Variants in NOD2 observed in about 807,000 individuals in gnomAD.
NOD2 encodes the protein nucleotide binding oligomerization domain containing 2.
Under a neutral mutation model 90.9 loss-of-function variants are expected in NOD2, and 86 were observed. That is an observed-to-expected ratio of 0.95 (90% confidence interval 0.79 to 1.13). The LOEUF (loss-of-function observed/expected upper bound fraction) is 1.13, where lower values mean the gene tolerates loss of function less well. Among genes scored for constraint, NOD2 ranks in the 50% most tolerant of loss-of-function variants. NOD2 has a pLI of 0.00. For missense variants in NOD2, 1,238 were observed against 1,283.8 expected (o/e 0.96, Z 0.55); for synonymous variants, 581 against 554.6 (o/e 1.05, Z -0.67).
chr16:50,703,683 CAAAAAAAA>C (rs1043742883), intron 2 of NOD2, among the ~76,000 whole-genome samples: 6 of 56,444 alleles, frequency 1.1e-4, no homozygotes, highest in Admixed American at 2.0e-4. Flanking sequence ...GACTCTGTCT[CAAAAAAAA>C]AAAAAAAAAA....
At chr16:50,729,969 A>G (rs1236480406) in intron 11 of NOD2, 68 bp downstream of exon 11, 6 of 1,191,066 alleles carry the variant, frequency 5.0e-6, no homozygotes, top group Non-Finnish European at 7.5e-6. Context: ...AAATGGGGTG[A>G]CGGGAGAGAG....
chr16:50,718,297 A>G (rs1019425662), intron 6 of NOD2, among the ~76,000 whole-genome samples: 1 of 152,164 alleles, frequency 6.6e-6, no homozygotes, highest in Non-Finnish European at 1.5e-5. Flanking sequence ...TTTGAGCAAC[A>G]ATGAGGTCGG....
chr16:50,714,965 G>C (rs1399398151), intron 4 of NOD2, among the ~76,000 whole-genome samples: 1 of 152,192 alleles, frequency 6.6e-6, no homozygotes, highest in East Asian at 1.9e-4. Flanking sequence ...TATGAACTCT[G>C]AGACACTCTG....
intron 2 of NOD2, 39 bp downstream of exon 2, chr16:50,699,993 A>G (rs372294830): frequency 5.7e-6 from 9 of 1,567,920 alleles, no homozygotes; most frequent in South Asian, 3.3e-5. Flanking sequence ...GTTCTCAGGA[A>G]AGGGGTGCTT....
rs761704372 is a variant in NOD2, at chr16:50,699,971, G to A, written c.459+17G>A. The stretch of plus-strand genomic sequence containing the variant: ...TCCCAGAGGGTGAGGCACTCCTGGT[G>A]TGCATCACAGAGTTCTCAGGAAAGG... On this transcript the variant is annotated intron_variant, in intron 2 of 11. Coordinates refer to ENST00000647318, the MANE Select transcript of NOD2 (RefSeq NM_001370466.1). The A allele has an allele frequency of 1.9e-5, 31 of 1,597,700 alleles. No individual in the cohort carries two copies. The South Asian group carries it at 3.2e-4, about 16-fold the overall frequency.
intron 1 of NOD2, chr16:50,697,490 A>G (rs1052285998): frequency 1.3e-5 from 9 of 705,188 alleles, no homozygotes; most frequent in African/African-American, 1.1e-4. Flanking sequence ...GGCAGGGTCA[A>G]TGGTGGGGGC....
chr16:50,712,359 C>A lies in NOD2; in HGVS notation c.2367C>A (p.Val789=). The stretch of plus-strand genomic sequence containing the variant: ...AGCAGCTGCTGCCTTGCCTTGGTGT[C>A]TGCAAGGCTCTGTAGTGAGTGTTAC... ...GVEQLLPCLG[V]CKALYLRDNN... is the part of the protein sequence containing the mutation. The change falls in exon 4 of 12, where the codon GTC becomes GTA. Residue 789 remains valine, a synonymous_variant. Coordinates refer to ENST00000647318, the MANE Select transcript of NOD2 (RefSeq NM_001370466.1). The A allele has an allele frequency of 6.2e-7, 1 of 1,613,822 alleles. No homozygotes were observed. Among genetic ancestry groups the A allele is most frequent in the South Asian group, 1.1e-5 (1 of 91,060 alleles).
intron 6 of NOD2, among the ~76,000 whole-genome samples, 180 bp downstream of exon 6, chr16:50,717,154 G>A (rs996862552): frequency 3.3e-5 from 5 of 152,232 alleles, no homozygotes; most frequent in African/African-American, 1.2e-4. Flanking sequence ...GTAAACTCTG[G>A]ACTAGCTCTG....
At chr16:50,724,104 T>G (rs1361742949) in intron 9 of NOD2, among the ~76,000 whole-genome samples, 1 of 152,242 alleles carries the variant, frequency 6.6e-6, no homozygotes, top group Non-Finnish European at 1.5e-5. Context: ...ATCCTTTAGA[T>G]GCCACTAGTA....
chr16:50,699,003 C>A (rs552334439), intron 1 of NOD2, among the ~76,000 whole-genome samples: 105 of 151,540 alleles, frequency 6.9e-4, no homozygotes, highest in African/African-American at 2.4e-3. Flanking sequence ...TCTTGGCTCA[C>A]TGCAACCTCT....
At position 50,697,363 on chromosome 16, in the gene NOD2, C is replaced by G. The variant is rs200434929; in HGVS notation, c.-8-2125C>G. ...CCGTCCCAGCTTGATCCTCAGCCTTCTTTCATCCTTGGCCGCGACATGCTC... is the reference window on the plus strand; with the variant it reads ...CCGTCCCAGCTTGATCCTCAGCCTTGTTTCATCCTTGGCCGCGACATGCTC... On this transcript the variant is annotated intron_variant, in intron 1 of 11. Transcript: ENST00000647318. 109 of 1,515,594 alleles carry G rather than the reference C, an allele frequency of 7.2e-5. No individual in the cohort carries two copies. The African/African-American group carries it at 1.5e-3, about 20-fold the overall frequency. The allele number at this position is 1,515,594 out of a possible 1,614,324, so 93.9% of individuals were successfully genotyped here.
rs374321834 is a variant in NOD2 at position 50,712,267 on chromosome 16, C to G, written c.2275C>G (p.Leu759Val). The change falls in exon 4 of 12, where the codon CTG becomes GTG. Residue 759 changes from leucine (L) to valine (V), a missense_variant. Leu to Val is a conservative substitution (Grantham distance 32). Coordinates refer to ENST00000647318, the MANE Select transcript of NOD2 (RefSeq NM_001370466.1). Reference sequence around the variant, plus strand: ...TGAGTGTGCTGCCCTGGCCTTTGTGCTGCAGCACCTCCGGCGGCCCGTGGC... The same window carrying G: ...TGAGTGTGCTGCCCTGGCCTTTGTGGTGCAGCACCTCCGGCGGCCCGTGGC... Reference protein sequence around the residue: ...PTECAALAFVLQHLRRPVALQ... With the variant: ...PTECAALAFVVQHLRRPVALQ... 7 of 1,613,966 alleles carry G rather than the reference C, an allele frequency of 4.3e-6. No homozygotes were observed. The highest frequency in any genetic ancestry group is 1.1e-5 in the South Asian group (1 of 91,092).
At chr16:50,708,402 A>T (rs939345972) in intron 3 of NOD2, among the ~76,000 whole-genome samples, 1 of 152,172 alleles carries the variant, frequency 6.6e-6, no homozygotes, top group Non-Finnish European at 1.5e-5. Context: ...CAGGGTCACC[A>T]CCCAAACTCA....
At chr16:50,728,373 C>A in intron 10 of NOD2, 1 of 343,842 alleles carries the variant, frequency 2.9e-6, no homozygotes, top group Non-Finnish European at 5.7e-6. Context: ...GAGTTGTCTC[C>A]GCTGCTTTAC....
chr16:50,703,428 A>G (rs1012201347), intron 2 of NOD2, among the ~76,000 whole-genome samples: 3 of 152,140 alleles, frequency 2.0e-5, no homozygotes, highest in African/African-American at 2.4e-5. Flanking sequence ...TCACAAGGTC[A>G]GGAGATCGAG....
chr16:50,725,651 C>T lies in NOD2; in HGVS notation c.2885+79C>T. ...GCATTTCTGAATAAGATCTGGGCCGCTCTCCGCTGGGCTAACTCATGTGAG... is the reference window on the plus strand; with the variant it reads ...GCATTTCTGAATAAGATCTGGGCCGTTCTCCGCTGGGCTAACTCATGTGAG... On this transcript the variant is annotated intron_variant, in intron 10 of 11. Transcript: ENST00000647318. 3 of 1,117,310 alleles carry T rather than the reference C, an allele frequency of 2.7e-6. No homozygotes were observed. The Admixed American group carries it at 5.1e-5, about 19-fold the overall frequency. 69.2% of individuals were successfully genotyped at this position (1,117,310 alleles called of 1,614,324 possible).
intron 9 of NOD2, among the ~76,000 whole-genome samples, chr16:50,724,252 C>T (rs1382280080): frequency 2.0e-5 from 3 of 152,168 alleles, no homozygotes; most frequent in African/African-American, 7.2e-5. Flanking sequence ...TGGACCTTGG[C>T]TGTTGCAGGG....
intron 10 of NOD2, chr16:50,727,808 G>A: frequency 8.4e-6 from 3 of 358,730 alleles, no homozygotes; most frequent in Non-Finnish European, 1.1e-5. Flanking sequence ...GACTTGCCGA[G>A]CATACTTCTC....
At chr16:50,717,164 G>C (rs1964838666) in intron 6 of NOD2, among the ~76,000 whole-genome samples, 190 bp downstream of exon 6, 1 of 152,230 alleles carries the variant, frequency 6.6e-6, no homozygotes, top group African/African-American at 2.4e-5. Flanking sequence ...GACTAGCTCT[G>C]CTGAGGACTT....
Sources: gnomAD v4.1 joint callset for allele counts (sites outside exome capture counted in the v4.1 genomes callset) on GRCh38, gnomAD v4.1.1 for gene constraint, MANE v1.5 for transcripts, NCBI Gene and HGNC (gene_info 2026-07-23, HGNC 2026-07-21) for gene names.